Variants in CYFIP2 observed in about 807,000 individuals in gnomAD.
CYFIP2 encodes the protein cytoplasmic FMR1 interacting protein 2, also known as cytoplasmic FMR1-interacting protein 2.
A neutral mutation model predicts 158.7 loss-of-function variants in CYFIP2; 29 were observed. The observed-to-expected ratio is 0.18, with a 90% CI of 0.14 to 0.25. The LOEUF is 0.25. CYFIP2 is among the 10% of genes least tolerant of loss of function. The probability of loss-of-function intolerance (pLI) is 1.00; values close to 1 mark genes in which losing one functional copy is unlikely to be tolerated. For synonymous variants in CYFIP2, 585 were observed against 617.6 expected (o/e 0.95, Z 0.78); for missense variants, 852 against 1,639.5 (o/e 0.52, Z 8.29).
intron 1 of CYFIP2, among the ~76,000 whole-genome samples, chr5:157,272,074 C>A (rs1756146634): frequency 6.6e-6 from 1 of 152,232 alleles, no homozygotes; most frequent in African/African-American, 2.4e-5. Context: ...CCACCTCAAC[C>A]TTAACAACAC....
At chr5:157,366,840 C>G (rs1252999668) in intron 26 of CYFIP2, among the ~76,000 whole-genome samples, 1 of 152,206 alleles carries the variant, frequency 6.6e-6, no homozygotes, top group Non-Finnish European at 1.5e-5. Flanking sequence ...AAATAGCAGT[C>G]ACTAAGTTTT....
At chr5:157,341,047 T>A in intron 22 of CYFIP2, 23 bp from the exon 23 acceptor site, 1 of 1,608,128 alleles carries the variant, frequency 6.2e-7, no homozygotes, top group Non-Finnish European at 8.5e-7. Flanking sequence ...ATTAACTCTT[T>A]CCCATCCCTA....
At chr5:157,372,050 C>T (rs1765042095) in intron 26 of CYFIP2, among the ~76,000 whole-genome samples, 2 of 152,120 alleles carry the variant, frequency 1.3e-5, no homozygotes, top group Non-Finnish European at 2.9e-5. Flanking sequence ...GGGAGTTCTC[C>T]AAGGAGGGAT....
rs1226025320 is a variant in CYFIP2 at position 157,325,146 on chromosome 5, G to A, written c.1826-336G>A. Among the ~76,000 whole-genome samples the A allele has an allele frequency of 5.9e-5, 9 of 152,104 alleles. No individual in the cohort carries two copies. In the East Asian group the frequency reaches 7.8e-4, roughly 13 times the overall value. ...TGAGCCTCTGCGCCCGGCCACGAGC[G>A]TACTTTTCATGCTTAGGTTGCAGGT... On this transcript the variant is annotated intron_variant, in intron 16 of 30. Transcript: ENST00000620254.
chr5:157,325,141 C>T lies in CYFIP2; in HGVS notation c.1826-341C>T, dbSNP rs547065320. On this transcript the variant is annotated intron_variant, in intron 16 of 30. Coordinates refer to ENST00000620254, the MANE Select transcript of CYFIP2 (RefSeq NM_001037333.3). ...AGGCATGAGCCTCTGCGCCCGGCCA[C>T]GAGCGTACTTTTCATGCTTAGGTTG... Among the ~76,000 whole-genome samples, 133 of 152,120 alleles carry T rather than the reference C, an allele frequency of 8.7e-4. 1 individual carries two copies. The highest frequency in any genetic ancestry group is 2.9e-3 in the African/African-American group (122 of 41,494).
chr5:157,381,810 G>T (rs1378653380), intron 26 of CYFIP2, among the ~76,000 whole-genome samples: 1 of 150,878 alleles, frequency 6.6e-6, no homozygotes, highest in East Asian at 2.0e-4. Flanking sequence ...ATCCCAAAGT[G>T]TCAGAGTTTG....
intron 1 of CYFIP2, among the ~76,000 whole-genome samples, chr5:157,281,593 T>A (rs1756993625): frequency 6.6e-6 from 1 of 152,220 alleles, no homozygotes; most frequent in Non-Finnish European, 1.5e-5. Context: ...TCACTCGATT[T>A]TAAAATCACT....
intron 13 of CYFIP2, among the ~76,000 whole-genome samples, chr5:157,318,597 T>G (rs1436247352): frequency 1.3e-5 from 2 of 152,238 alleles, no homozygotes; most frequent in South Asian, 4.1e-4. Context: ...TTTCTTCCTT[T>G]AAGTTTTAGA....
In CYFIP2 at chr5:157,361,559, C is replaced by T. The variant is rs768727138; in HGVS notation, c.3000C>T (p.Gly1000=). 8 of 1,613,974 alleles carry T rather than the reference C, an allele frequency of 5.0e-6. No homozygotes were observed. The highest frequency in any genetic ancestry group is 3.3e-5 in the Admixed American group (2 of 60,018). ...TDVFQSLREV[G]NAILFCLLIE... is the part of the protein sequence containing the mutation. ...TGTTCCAGAGCCTGAGGGAAGTGGGCAATGCCATCCTCTTCTGCCTCCTCA... is the reference window on the plus strand; with the variant it reads ...TGTTCCAGAGCCTGAGGGAAGTGGGTAATGCCATCCTCTTCTGCCTCCTCA... Residue 1000 remains glycine, a synonymous_variant, in exon 26 of 31, where the codon GGC becomes GGT. Transcript: ENST00000620254. The surrounding 1 kb of genome is among the most constrained non-coding windows in gnomAD (Gnocchi z 4.4).
chr5:157,289,881 A>T (rs1580982469), intron 3 of CYFIP2, among the ~76,000 whole-genome samples: 1 of 152,222 alleles, frequency 6.6e-6, no homozygotes, highest in South Asian at 2.1e-4. Flanking sequence ...AGCTTGGGGG[A>T]CAGATTCCAT....
intron 23 of CYFIP2, among the ~76,000 whole-genome samples, chr5:157,348,601 G>A (rs765645760): frequency 6.6e-5 from 10 of 152,082 alleles, no homozygotes; most frequent in Non-Finnish European, 1.2e-4. Context: ...TAGTAGAGAC[G>A]GAGTTTCACC....
chr5:157,345,880 T>A (rs1762650060), intron 23 of CYFIP2, among the ~76,000 whole-genome samples: 1 of 152,168 alleles, frequency 6.6e-6, no homozygotes, highest in Non-Finnish European at 1.5e-5. Context: ...CTTCTAACAC[T>A]CCTACATTTT....
intron 3 of CYFIP2, among the ~76,000 whole-genome samples, chr5:157,293,800 T>C (rs1452011266): frequency 6.6e-6 from 1 of 152,202 alleles, no homozygotes; most frequent in Admixed American, 6.5e-5. Flanking sequence ...ACAGTTATTA[T>C]GCAAATCAGT....
intron 19 of CYFIP2, among the ~76,000 whole-genome samples, chr5:157,329,118 C>T (rs988043925): frequency 1.3e-5 from 2 of 152,056 alleles, no homozygotes; most frequent in African/African-American, 4.8e-5. Context: ...TGATGTGCAG[C>T]ACACACAAGT....
chr5:157,311,599 T>A lies in CYFIP2; in HGVS notation c.993-65T>A, dbSNP rs1759731671. On this transcript the variant is annotated intron_variant, in intron 10 of 30. Coordinates refer to ENST00000620254, the MANE Select transcript of CYFIP2 (RefSeq NM_001037333.3). This position sits in a 1 kb window ranked among gnomAD's most constrained non-coding sequence, Gnocchi z 4.7. ...ACGTGGGCTGAGCACCAGGAGCAGC[T>A]AATGCCTGTTCCACCCAGGCGCCTG... 1 of 1,435,708 alleles carries A rather than the reference T, an allele frequency of 7.0e-7. No homozygotes were observed. The highest frequency in any genetic ancestry group is 1.4e-5 in the African/African-American group (1 of 70,994). 88.9% of individuals were successfully genotyped at this position (1,435,708 alleles called of 1,614,324 possible). A position where few individuals can be genotyped will look rare whatever the true frequency, so the allele number is the denominator to read the frequency against.
At chr5:157,351,154 T>A (rs528461645) in intron 23 of CYFIP2, among the ~76,000 whole-genome samples, 1 of 152,282 alleles carries the variant, frequency 6.6e-6, no homozygotes, top group East Asian at 1.9e-4. Context: ...TCCCCCACTT[T>A]AAAAATGAGA....
intron 1 of CYFIP2, among the ~76,000 whole-genome samples, chr5:157,272,119 A>C (rs727588): frequency 0.5 from 76,243 of 152,018 alleles, 19,505 homozygotes; most frequent in East Asian, 0.57. Flanking sequence ...AACGAAGGGG[A>C]AAGTCCTTTA....
At chr5:157,383,024 T>C (rs1402030656) in intron 27 of CYFIP2, among the ~76,000 whole-genome samples, 2 of 152,178 alleles carry the variant, frequency 1.3e-5, no homozygotes, top group African/African-American at 4.8e-5. Context: ...TATATATTAA[T>C]ATATTAAACC....
intron 1 of CYFIP2, among the ~76,000 whole-genome samples, chr5:157,277,708 A>T (rs1419199035): frequency 1.3e-5 from 2 of 152,166 alleles, no homozygotes; most frequent in Non-Finnish European, 2.9e-5. Context: ...TCAGTATTTC[A>T]TGAGGATTCT....
Sources: allele counts gnomAD v4.1 joint callset (sites outside exome capture counted in the v4.1 genomes callset), GRCh38; gene constraint gnomAD v4.1.1; non-coding constraint Gnocchi (gnomAD v3.1); transcripts MANE v1.5; gene names NCBI Gene and HGNC (gene_info 2026-07-23, HGNC 2026-07-21).